The following RIOX2 variants were observed in gnomAD, a reference collection of about 807,000 sequenced individuals.
The protein encoded by RIOX2 is 60S ribosomal protein L27a histidine hydroxylase.
In RIOX2, 43 loss-of-function variants were observed where a neutral mutation model predicts 51.2. The ratio of observed to expected loss-of-function variants is 0.84; its 90% CI spans 0.66 to 1.08. RIOX2 has a LOEUF of 1.08. RIOX2 is among the 50% of genes least tolerant of loss of function. The pLI, the probability that RIOX2 is intolerant of heterozygous loss-of-function variation, is 0.00. For missense variants in RIOX2, 566 were observed against 561.7 expected, an observed-to-expected ratio of 1.01 and a Z score of -0.08; for synonymous variants, 226 against 218.5, an observed-to-expected ratio of 1.03 and a Z score of -0.30.
Position 97,950,311 on chromosome 3 carries a change from T to C in RIOX2, c.889-296A>G, listed in dbSNP as rs531645344. ...CTGCCTTTTGGAAAGCAGGTCACTG[T>C]CCTAAGATGAATGCTTCAGAGAAAG... is the stretch of plus-strand genomic sequence containing the variant. On this transcript the variant is annotated intron_variant, in intron 6 of 9. Transcript: ENST00000394198. Among the ~76,000 whole-genome samples the C allele has an allele frequency of 7.9e-5, 12 of 152,318 alleles. No homozygotes were observed. The South Asian group carries it at 1.5e-3, about 18-fold the overall frequency.
At chr3:97,956,277 C>T (rs1705445987) in intron 4 of RIOX2, among the ~76,000 whole-genome samples, 1 of 152,196 alleles carries the variant, frequency 6.6e-6, no homozygotes, top group South Asian at 2.1e-4. Context: ...ATTTCATACA[C>T]ATTTGCCCCA....
At chr3:97,950,422 G>A (rs1705198139) in intron 6 of RIOX2, among the ~76,000 whole-genome samples, 1 of 152,152 alleles carries the variant, frequency 6.6e-6, no homozygotes, top group South Asian at 2.1e-4. Flanking sequence ...AAAAGAACAG[G>A]AGGCCAACGA....
rs1417547227 is a variant in RIOX2 at position 97,965,635 on chromosome 3, T to C, written c.432+1527A>G. ...AGTCAACAAGGCAAAAGAAACAGGT[T>C]CTTGGACACTGGAATCCCAGACGAG... On this transcript the variant is annotated intron_variant, in intron 2 of 9. Transcript: ENST00000394198. Among the ~76,000 whole-genome samples the C allele has an allele frequency of 2.6e-5, 4 of 152,118 alleles. No individual in the cohort carries two copies. The East Asian group carries it at 7.7e-4, about 29-fold the overall frequency.
intron 7 of RIOX2, 56 bp from the exon 8 acceptor site, chr3:97,947,505 A>C: frequency 5.1e-6 from 7 of 1,372,840 alleles, no homozygotes; most frequent in Non-Finnish European, 7.3e-6. Flanking sequence ...AGGCAGATTC[A>C]AACTTGCTTA....
At chr3:97,956,050 T>C (rs1299056603) in intron 4 of RIOX2, among the ~76,000 whole-genome samples, 4 of 152,234 alleles carry the variant, frequency 2.6e-5, no homozygotes, top group African/African-American at 7.2e-5. Context: ...AGGGCCCTAC[T>C]GTACACTTTT....
At chr3:97,957,851 A>T (rs1368995313) in intron 4 of RIOX2, among the ~76,000 whole-genome samples, 3 of 152,202 alleles carry the variant, frequency 2.0e-5, no homozygotes, top group African/African-American at 4.8e-5. Context: ...ATGGAAAGAC[A>T]GTACGTATTT....
Position 97,945,105 on chromosome 3 carries a change from A to C in RIOX2, c.*79T>G. 1 of 1,313,252 alleles carries C rather than the reference A, an allele frequency of 7.6e-7. No individual in the cohort carries two copies. The highest frequency in any genetic ancestry group is 1.0e-6 in the Non-Finnish European group (1 of 978,246). The allele number at this position is 1,313,252 out of a possible 1,614,324, so 81.3% of individuals were successfully genotyped here. On this transcript the variant is annotated 3_prime_UTR_variant, in exon 10 of 10. Coordinates refer to ENST00000394198, the MANE Select transcript of RIOX2 (RefSeq NM_153182.4). ...TACGCAGGTAAGGAAACTTGAATTC[A>C]TCCTCTCCTCGGCTCAGGTCTTTGC...
Position 97,947,364 on chromosome 3 carries a change from T to C in RIOX2, c.1146A>G (p.Gln382=). 6.2e-7 allele frequency: 1 copy of C among 1,611,358 alleles called. No homozygotes were observed. The highest frequency in any genetic ancestry group is 1.3e-5 in the African/African-American group (1 of 74,914). Residue 382 remains glutamine (Q), a synonymous_variant, in exon 8 of 10, where the codon CAA becomes CAG. Coordinates refer to ENST00000394198, the MANE Select transcript of RIOX2 (RefSeq NM_153182.4). ...TCTCCTCCTCTTGGATACTCACAGA[T>C]TGATCTTGATCCGGCAGTACTGTGA... ...IVLTVLPDQD[Q]SDEAQEKMVY... is the part of the protein sequence containing the mutation.
In RIOX2 at chr3:97,942,570, A is replaced by G. The variant is rs950644245; in HGVS notation, c.*2614T>C. 1 of 888,162 alleles carries G rather than the reference A, an allele frequency of 1.1e-6. No homozygotes were observed. Among genetic ancestry groups the G allele is most frequent in the African/African-American group, 1.7e-5 (1 of 58,840 alleles). The allele number at this position is 888,162 out of a possible 1,614,324, so 55.0% of individuals were successfully genotyped here. ...TTAAGTCATTTAAAATTATGCTTGA[A>G]GAAAATTAAGATAGGCAGTTTTACA... On this transcript the variant is annotated 3_prime_UTR_variant, in exon 10 of 10. Coordinates refer to ENST00000394198, the MANE Select transcript of RIOX2 (RefSeq NM_153182.4).
At chr3:97,954,849 T>C (rs551429640) in intron 4 of RIOX2, among the ~76,000 whole-genome samples, 1 of 152,250 alleles carries the variant, frequency 6.6e-6, no homozygotes, top group East Asian at 1.9e-4. Context: ...TCTTGCATGC[T>C]TCAGTGGTTA....
Position 97,943,354 on chromosome 3 carries a change from A to G in RIOX2, c.*1830T>C, listed in dbSNP as rs779235192. ...CTAGAAAGATCCCTAGAAAGAGCAA[A>G]GAAGGAAACACATCTGTCATTGTCT... On this transcript the variant is annotated 3_prime_UTR_variant, in exon 10 of 10. Transcript: ENST00000394198. 8 of 1,130,074 alleles carry G rather than the reference A, an allele frequency of 7.1e-6. No individual in the cohort carries two copies. The highest frequency in any genetic ancestry group is 1.5e-5 in the African/African-American group (1 of 64,800). 70.0% of individuals were successfully genotyped at this position (1,130,074 alleles called of 1,614,324 possible).
chr3:97,970,497 C>T (rs1487129267), intron 1 of RIOX2, among the ~76,000 whole-genome samples: 1 of 152,092 alleles, frequency 6.6e-6, no homozygotes, highest in Non-Finnish European at 1.5e-5. Context: ...ATTAAACATA[C>T]AAAAGTCTTA....
chr3:97,967,365 A>G lies in RIOX2; in HGVS notation c.229T>C (p.Tyr77His), dbSNP rs1553715284. Residue 77 changes from tyrosine (Y) to histidine (H), a missense_variant, in exon 2 of 10, where the codon TAT (tyrosine) becomes CAT (histidine). Tyr to His is a moderately conservative substitution (Grantham distance 83). Transcript: ENST00000394198. ...QRDDPALATY[Y>H]GSLFKLTDLK... ...TCTGTTAGCTTGAACAGGGACCCAT[A>G]GTATGTGGCCAGTGCAGGGTCATCT... 6.2e-7 allele frequency: 1 copy of G among 1,614,138 alleles called. No individual in the cohort carries two copies.
intron 3 of RIOX2, 140 bp from the exon 4 acceptor site, chr3:97,959,319 T>TG (rs967069214): frequency 4.1e-5 from 34 of 838,870 alleles, no homozygotes; most frequent in Non-Finnish European, 5.4e-5. Context: ...TTTTTTTTTT[T>TG]TTTTTTTTTT....
At chr3:97,964,653 C>T (rs1472306720) in intron 2 of RIOX2, among the ~76,000 whole-genome samples, 5 of 126,024 alleles carry the variant, frequency 4.0e-5, no homozygotes, top group African/African-American at 1.5e-4. Context: ...GCCGAGATTG[C>T]GTCACTGCAC....
chr3:97,971,339 G>A (rs1029678645), intron 1 of RIOX2, among the ~76,000 whole-genome samples: 3 of 152,188 alleles, frequency 2.0e-5, no homozygotes, highest in African/African-American at 4.8e-5. Context: ...CTGCATTAAC[G>A]TAATACGCTC....
chr3:97,946,351 G>C (rs553277720), intron 8 of RIOX2, among the ~76,000 whole-genome samples: 1 of 151,528 alleles, frequency 6.6e-6, no homozygotes, highest in South Asian at 2.1e-4. Context: ...CTGTGTGATC[G>C]ATAAAAAACT....
Position 97,945,230 on chromosome 3 carries a change from C to T in RIOX2, c.1352G>A (p.Ser451Asn). The change falls in exon 10 of 10, where the codon AGC becomes AAC. Residue 451 changes from serine (S) to asparagine (N), a missense_variant. Transcript: ENST00000394198. ...TTCTGTCCAGAGGGATAATACCAGG[C>T]TTTCCTTTTCCTCATCTGTAGTAAG... is the stretch of plus-strand genomic sequence containing the variant. ...LKLTTDEEKE[S>N]LVLSLWTECL... 1 of 1,612,562 alleles carries T rather than the reference C, an allele frequency of 6.2e-7. No homozygotes were observed. Among genetic ancestry groups the T allele is most frequent in the South Asian group, 1.1e-5 (1 of 90,998 alleles).
intron 5 of RIOX2, among the ~76,000 whole-genome samples, chr3:97,953,777 C>T (rs1465836031): frequency 6.6e-6 from 1 of 152,166 alleles, no homozygotes; most frequent in Non-Finnish European, 1.5e-5. Flanking sequence ...GAGGTACTAG[C>T]TGAAATGAAC....
Sources: gnomAD v4.1 joint callset for allele counts (sites outside exome capture counted in the v4.1 genomes callset) on GRCh38, gnomAD v4.1.1 for gene constraint, MANE v1.5 for transcripts, NCBI Gene and HGNC (gene_info 2026-07-23, HGNC 2026-07-21) for gene names.